The following EPB41L5 variants were observed in gnomAD, a reference collection of about 807,000 sequenced individuals.
EPB41L5 encodes erythrocyte membrane protein band 4.1 like 5.
A neutral mutation model predicts 106.6 loss-of-function variants in EPB41L5; 55 were observed. The observed-to-expected ratio is 0.52, with a 90% confidence interval of 0.42 to 0.65. EPB41L5 has a LOEUF of 0.65. EPB41L5 is among the 30% of genes least tolerant of loss of function. EPB41L5 has a pLI of 0.00. For missense variants in EPB41L5, 871 were observed against 882.1 expected, an observed-to-expected ratio of 0.99 and a Z score of 0.16; for synonymous variants, 297 against 306.7, an observed-to-expected ratio of 0.97 and a Z score of 0.33.
At chr2:120,123,566 C>G (rs1441372869) in intron 16 of EPB41L5, among the ~76,000 whole-genome samples, 1 of 149,758 alleles carries the variant, frequency 6.7e-6, no homozygotes, top group Non-Finnish European at 1.5e-5. Flanking sequence ...AAGTCCACTT[C>G]TAATTTAACA....
Position 120,056,673 on chromosome 2 carries a change from C to CTT in EPB41L5, c.285+14575_285+14576dup, listed in dbSNP as rs57767473. The stretch of plus-strand genomic sequence containing the variant: ...ATATTAGTCTGTAGTTTTCTTGTGA[C>CTT]TTTTTTTTTTTTTCTGGTTTGGGTG... On this transcript the variant is annotated intron_variant, in intron 3 of 24. Transcript: ENST00000263713. 2.4e-3 allele frequency among the ~76,000 whole-genome samples: 351 copies of CTT among 144,816 alleles called. 2 individuals carry two copies. The highest frequency in any genetic ancestry group is 5.4e-3 in the African/African-American group (213 of 39,628).
intron 16 of EPB41L5, among the ~76,000 whole-genome samples, chr2:120,116,022 G>A (rs765636784): frequency 3.3e-5 from 5 of 151,816 alleles, no homozygotes; most frequent in Non-Finnish European, 5.9e-5. Context: ...TGTTGGTCAT[G>A]CTGGTCTTGA....
intron 16 of EPB41L5, among the ~76,000 whole-genome samples, chr2:120,109,136 A>G (rs1252717193): frequency 1.3e-5 from 2 of 151,984 alleles, no homozygotes; most frequent in East Asian, 3.9e-4. Flanking sequence ...ATACCCTTGA[A>G]TTTCTTGACC....
chr2:120,142,265 A>G (rs1686208555), intron 18 of EPB41L5, among the ~76,000 whole-genome samples: 1 of 151,898 alleles, frequency 6.6e-6, no homozygotes, highest in African/African-American at 2.4e-5. Flanking sequence ...TTTTCTCTTG[A>G]CCTATGTCTG....
intron 14 of EPB41L5, among the ~76,000 whole-genome samples, chr2:120,099,323 CTGT>C (rs1289929656): frequency 1.0e-4 from 14 of 133,384 alleles, no homozygotes; most frequent in East Asian, 2.3e-4. Context: ...ATTTTTTTTT[CTGT>C]TGTTCTGTAG....
chr2:120,119,760 G>A (rs183221031), intron 16 of EPB41L5, among the ~76,000 whole-genome samples: 2 of 152,054 alleles, frequency 1.3e-5, no homozygotes, highest in Non-Finnish European at 2.9e-5. Context: ...AACCTGCAAT[G>A]AATTTACAAA....
rs1229217284 is a variant in EPB41L5, at chr2:120,143,069, A to T, written c.1666A>T (p.Met556Leu). Residue 556 changes from methionine to leucine, a missense_variant, in exon 19 of 25, where the codon ATG (methionine) becomes TTG (leucine). Transcript: ENST00000263713. ...NVIESPGLNV[M>L]RVPPDFKSNI... is the part of the protein sequence containing the mutation. ...CATTGAGAGCCCAGGATTGAATGTCATGAGAGTTCCTCCTGACTTCAAGAG... is the reference window on the plus strand; with the variant it reads ...CATTGAGAGCCCAGGATTGAATGTCTTGAGAGTTCCTCCTGACTTCAAGAG... The T allele has an allele frequency of 6.2e-7, 1 of 1,612,132 alleles. No individual in the cohort carries two copies. The highest frequency in any genetic ancestry group is 1.3e-5 in the African/African-American group (1 of 74,878).
At chr2:120,062,696 A>T (rs1681165940) in intron 3 of EPB41L5, among the ~76,000 whole-genome samples, 1 of 152,230 alleles carries the variant, frequency 6.6e-6, no homozygotes. Context: ...AAAGAAATGT[A>T]GATCTAATTC....
intron 16 of EPB41L5, among the ~76,000 whole-genome samples, chr2:120,117,124 C>A (rs1684982223): frequency 1.3e-5 from 2 of 152,104 alleles, no homozygotes; most frequent in Non-Finnish European, 2.9e-5. Flanking sequence ...ATAGAAATTA[C>A]CACTTCTTTA....
chr2:120,125,877 G>T (rs1237847223), intron 16 of EPB41L5, among the ~76,000 whole-genome samples: 1 of 152,036 alleles, frequency 6.6e-6, no homozygotes, highest in East Asian at 1.9e-4. Flanking sequence ...GTGTTGGCAG[G>T]GTTGCTTTCT....
intron 16 of EPB41L5, among the ~76,000 whole-genome samples, chr2:120,123,293 G>T (rs1685312241): frequency 6.6e-6 from 1 of 152,044 alleles, no homozygotes; most frequent in African/African-American, 2.4e-5. Context: ...GAGGTGTTTT[G>T]GTTTTCATTT....
rs372523740 is a variant in EPB41L5 at position 120,167,944 on chromosome 2, G to A, written c.2072G>A (p.Gly691Asp). 5.0e-6 allele frequency: 8 copies of A among 1,613,970 alleles called. No individual in the cohort carries two copies. In the African/African-American group the frequency reaches 9.3e-5, roughly 19 times the overall value. ...EMLLTGKEGH[G>D]NKDGISLISP... ...CTTTTGACAGGGAAGGAGGGACATG[G>A]TAATAAAGATGGAATCTCACTGATC... The change falls in exon 24 of 25, where the codon GGT becomes GAT. Residue 691 changes from glycine to aspartate, a missense_variant. Transcript: ENST00000263713.
At position 120,013,122 on chromosome 2, in the gene EPB41L5, C is replaced by G. The variant is rs900514297; in HGVS notation, c.-97C>G. Reference sequence around the variant, plus strand: ...GGTGGGCTCGTTGTGGGCGCCATTTCTCGGCGTCTACCGAGGAGCCGCCCC... The same window carrying G: ...GGTGGGCTCGTTGTGGGCGCCATTTGTCGGCGTCTACCGAGGAGCCGCCCC... On this transcript the variant is annotated 5_prime_UTR_variant, in exon 1 of 25. Coordinates refer to ENST00000263713, the MANE Select transcript of EPB41L5 (RefSeq NM_020909.4). 6.6e-6 allele frequency: 1 copy of G among 152,230 alleles called. No individual in the cohort carries two copies. The highest frequency in any genetic ancestry group is 2.4e-5 in the African/African-American group (1 of 41,448). 9.4% of individuals were successfully genotyped at this position (152,230 alleles called of 1,614,324 possible). A position where few individuals can be genotyped will look rare whatever the true frequency, so the allele number is the denominator to read the frequency against.
chr2:120,027,079 A>G (rs780093088), intron 2 of EPB41L5, among the ~76,000 whole-genome samples: 19 of 152,204 alleles, frequency 1.2e-4, no homozygotes, highest in Non-Finnish European at 2.5e-4. Context: ...GGATATGGAC[A>G]AATCAGAACT....
chr2:120,163,617 A>G (rs1222817239), intron 21 of EPB41L5, among the ~76,000 whole-genome samples: 1 of 150,060 alleles, frequency 6.7e-6, no homozygotes, highest in Non-Finnish European at 1.5e-5. Flanking sequence ...TTTAAGTTCA[A>G]AGTATGATAT....
rs982298648 is a variant in EPB41L5 at position 120,013,180 on chromosome 2, G to A, written c.-39G>A. ...GCCTTGCTCGGCTCTTCCCCGCTCT[G>A]GTCGCCGGGGCTGCGCCGTCCCCAG... On this transcript the variant is annotated 5_prime_UTR_variant, in exon 1 of 25. Coordinates refer to ENST00000263713, the MANE Select transcript of EPB41L5 (RefSeq NM_020909.4). The A allele has an allele frequency of 3.3e-5, 5 of 152,386 alleles. No homozygotes were observed. The highest frequency in any genetic ancestry group is 9.6e-5 in the African/African-American group (4 of 41,466). The allele number at this position is 152,386 out of a possible 1,614,324, so 9.4% of individuals were successfully genotyped here.
intron 16 of EPB41L5, among the ~76,000 whole-genome samples, chr2:120,123,483 A>C (rs1685320226): frequency 6.6e-6 from 1 of 151,848 alleles, no homozygotes; most frequent in Non-Finnish European, 1.5e-5. Flanking sequence ...ACTTTTCCCC[A>C]TTTCTAGCTC....
At chr2:120,169,172 A>AAAC (rs1307793224) in intron 24 of EPB41L5, among the ~76,000 whole-genome samples, 1 of 152,166 alleles carries the variant, frequency 6.6e-6, no homozygotes, top group African/African-American at 2.4e-5. Flanking sequence ...TAGAGTCTGG[A>AAAC]AACAAACTCA....
chr2:120,078,601 A>G lies in EPB41L5; in HGVS notation c.803+20A>G, dbSNP rs757651233. 5 of 1,524,032 alleles carry G rather than the reference A, an allele frequency of 3.3e-6. No individual in the cohort carries two copies. The highest frequency in any genetic ancestry group is 4.5e-6 in the Non-Finnish European group (5 of 1,105,670). The allele number at this position is 1,524,032 out of a possible 1,614,324, so 94.4% of individuals were successfully genotyped here. A position where few individuals can be genotyped will look rare whatever the true frequency, so the allele number is the denominator to read the frequency against. ...TTTTTGGTAAGCAAGAGTTATTGTC[A>G]AAGATACTTACTGTTGTTTTGGTTT... On this transcript the variant is annotated intron_variant, in intron 10 of 24. Coordinates refer to ENST00000263713, the MANE Select transcript of EPB41L5 (RefSeq NM_020909.4).
Sources: allele counts gnomAD v4.1 joint callset (sites outside exome capture counted in the v4.1 genomes callset), GRCh38; gene constraint gnomAD v4.1.1; transcripts MANE v1.5; gene names NCBI Gene and HGNC (gene_info 2026-07-23, HGNC 2026-07-21).